Variants in TMEM68 observed in about 807,000 individuals in gnomAD.
TMEM68 encodes the protein transmembrane protein 68, also known as DGAT1/2-independent enzyme synthesizing storage lipids.
In TMEM68, 25 loss-of-function variants were observed where a neutral mutation model predicts 36.9. That is an observed-to-expected ratio of 0.68 (90% CI 0.49 to 0.95). The LOEUF (loss-of-function observed/expected upper bound fraction) is 0.95, where lower values mean the gene tolerates loss of function less well. Ranked by LOEUF, TMEM68 falls within the 40% of genes least tolerant of loss-of-function variation. TMEM68 has a pLI of 0.00. For synonymous variants in TMEM68, 131 were observed against 124.4 expected (o/e 1.05, Z -0.35); for missense variants, 333 against 392.0 (o/e 0.85, Z 1.27).
intron 1 of TMEM68, among the ~76,000 whole-genome samples, chr8:55,771,593 G>A (rs529522409): frequency 6.6e-6 from 1 of 151,794 alleles, no homozygotes; most frequent in African/African-American, 2.4e-5. Flanking sequence ...CTACAGCCTG[G>A]GTGACAGAGC....
At chr8:55,772,048 G>A (rs1811189558) in intron 1 of TMEM68, among the ~76,000 whole-genome samples, 1 of 151,682 alleles carries the variant, frequency 6.6e-6, no homozygotes. Flanking sequence ...CCTTATTATC[G>A]TAACCCAGCT....
chr8:55,740,211 T>C lies in TMEM68; in HGVS notation c.896A>G (p.Asn299Ser), dbSNP rs1257747798. Residue 299 changes from asparagine (N) to serine (S), a missense_variant, in exon 8 of 8, where the codon AAT (asparagine) becomes AGT (serine). Asn to Ser is a conservative substitution (Grantham distance 46). Transcript: ENST00000434581. Reference protein sequence around the residue: ...TAEELAEKTKNAVQALIDKHQ... With the variant: ...TAEELAEKTKSAVQALIDKHQ... ...CTTATCAATCAAAGCTTGAACAGCA[T>C]TCTTCGTCTATTAAGAAAACAAAAG... The C allele has an allele frequency of 1.2e-6, 2 of 1,612,288 alleles. No homozygotes were observed. The highest frequency in any genetic ancestry group is 1.7e-6 in the Non-Finnish European group (2 of 1,179,348).
chr8:55,766,031 A>G (rs897046287), intron 1 of TMEM68, among the ~76,000 whole-genome samples: 1 of 152,232 alleles, frequency 6.6e-6, no homozygotes, highest in Non-Finnish European at 1.5e-5. Context: ...ACAAAGAACT[A>G]GTAAATACAT....
intron 4 of TMEM68, 83 bp from the exon 5 acceptor site, chr8:55,751,240 G>T: frequency 8.1e-7 from 1 of 1,239,106 alleles, no homozygotes; most frequent in Non-Finnish European, 1.1e-6. Context: ...AAACTACATA[G>T]TGTACTATTT....
Position 55,756,287 on chromosome 8 carries a change from T to C in TMEM68, c.450A>G (p.Arg150=). ...FMAKIFIHKG[R]TCRVVADHFV... Reference sequence around the variant, plus strand: ...AGTGATCAGCTACTACTCGGCAAGTTCTGCCTTTGTGTATAAATATTTTAG... The same window carrying C: ...AGTGATCAGCTACTACTCGGCAAGTCCTGCCTTTGTGTATAAATATTTTAG... Residue 150 remains arginine (R), a synonymous_variant, in exon 4 of 8, where the codon AGA becomes AGG. Coordinates refer to ENST00000434581, the MANE Select transcript of TMEM68 (RefSeq NM_001286657.2). 1.2e-6 allele frequency: 2 copies of C among 1,605,276 alleles called. No homozygotes were observed. Among genetic ancestry groups the C allele is most frequent in the Non-Finnish European group, 1.7e-6 (2 of 1,177,906 alleles).
intron 3 of TMEM68, chr8:55,761,691 T>C (rs546864723): frequency 5.3e-5 from 8 of 152,272 alleles, no homozygotes; most frequent in East Asian, 3.9e-4. Flanking sequence ...CAAAAAAAAT[T>C]TGTAGGTTCG....
intron 3 of TMEM68, among the ~76,000 whole-genome samples, chr8:55,758,633 C>T (rs1423898521): frequency 6.6e-6 from 1 of 152,174 alleles, no homozygotes; most frequent in Non-Finnish European, 1.5e-5. Context: ...TGGCAAGACC[C>T]ACCTCTGCAA....
intron 1 of TMEM68, among the ~76,000 whole-genome samples, chr8:55,770,837 T>A (rs1345557345): frequency 1.3e-5 from 2 of 152,138 alleles, no homozygotes; most frequent in Non-Finnish European, 2.9e-5. Flanking sequence ...TTTCCCTATC[T>A]GGAAATCACG....
chr8:55,771,299 T>C (rs983863980), intron 1 of TMEM68, among the ~76,000 whole-genome samples: 7 of 152,112 alleles, frequency 4.6e-5, no homozygotes, highest in African/African-American at 1.7e-4. Flanking sequence ...AATAAAACCT[T>C]AAGAAAGTGT....
intron 5 of TMEM68, among the ~76,000 whole-genome samples, chr8:55,750,196 T>A (rs1375150861): frequency 6.6e-6 from 1 of 152,210 alleles, no homozygotes; most frequent in Admixed American, 6.5e-5. Flanking sequence ...ACTGCATATA[T>A]CCTTTTGTAT....
intron 7 of TMEM68, among the ~76,000 whole-genome samples, chr8:55,741,517 A>G (rs761217568): frequency 2.6e-5 from 4 of 152,222 alleles, no homozygotes; most frequent in Non-Finnish European, 5.9e-5. Flanking sequence ...AATCAAGTAC[A>G]AAGTAACTAA....
At position 55,743,620 on chromosome 8, in the gene TMEM68, C is replaced by T. The variant is rs1473860405; in HGVS notation, c.749G>A (p.Arg250Lys). 2 of 1,533,620 alleles carry T rather than the reference C, an allele frequency of 1.3e-6. No individual in the cohort carries two copies. The highest frequency in any genetic ancestry group is 2.0e-5 in the Admixed American group (1 of 50,548). Residue 250 changes from arginine (R) to lysine (K), a missense_variant and splice_region_variant, in exon 7 of 8, where the codon AGG (arginine) becomes AAG (lysine). By Grantham distance (26) the Arg-to-Lys change is conservative. Transcript: ENST00000434581. ...TTTTTCATAAAGCCACCTAAATAAC[C>T]CTGTTTTAGAGTAAATACAATCATT... The part of the protein sequence containing the change: ...REGFRSLGGT[R>K]LFRWLYEKFR...
chr8:55,741,884 T>A (rs10958466), intron 7 of TMEM68, among the ~76,000 whole-genome samples: 108,089 of 152,008 alleles, frequency 0.71, 38,664 homozygotes, highest in African/African-American at 0.79. Flanking sequence ...AAAGTAAAAA[T>A]GTATAGACTT....
chr8:55,754,444 A>AATATATAT lies in TMEM68; in HGVS notation c.493+1792_493+1799dup, dbSNP rs769626273. Among the ~76,000 whole-genome samples the AATATATAT allele has an allele frequency of 3.1e-3, 309 of 101,086 alleles. 1 individual carries two copies. The highest frequency in any genetic ancestry group is 4.2e-3 in the Non-Finnish European group (221 of 53,146). 66.3% of individuals were successfully genotyped at this position (101,086 alleles called of 152,430 possible). A position where few individuals can be genotyped will look rare whatever the true frequency, so the allele number is the denominator to read the frequency against. ...GGTGACAGAGCAAGACTCTGTCTCG[A>AATATATAT]ATATATATATATATATATATATACA... On this transcript the variant is annotated intron_variant, in intron 4 of 7. Coordinates refer to ENST00000434581, the MANE Select transcript of TMEM68 (RefSeq NM_001286657.2).
intron 5 of TMEM68, among the ~76,000 whole-genome samples, chr8:55,748,578 G>T (rs947939283): frequency 1.3e-5 from 2 of 151,804 alleles, no homozygotes; most frequent in African/African-American, 4.8e-5. Flanking sequence ...AGGGAGGAAG[G>T]GGGGGAGAGA....
intron 3 of TMEM68, among the ~76,000 whole-genome samples, chr8:55,759,364 A>T (rs1404934922): frequency 1.3e-5 from 2 of 151,806 alleles, no homozygotes; most frequent in Non-Finnish European, 2.9e-5. Flanking sequence ...TGAGGTCAGG[A>T]GTTCAAGACC....
chr8:55,770,965 G>C (rs1811137374), intron 1 of TMEM68, among the ~76,000 whole-genome samples: 1 of 152,100 alleles, frequency 6.6e-6, no homozygotes, highest in Admixed American at 6.5e-5. Context: ...AGACCAGCCT[G>C]ACCAATGTGG....
intron 5 of TMEM68, among the ~76,000 whole-genome samples, chr8:55,749,242 T>A (rs1360239145): frequency 6.6e-6 from 1 of 152,192 alleles, no homozygotes; most frequent in Non-Finnish European, 1.5e-5. Context: ...TTGTATTATA[T>A]CAAAAAGTCT....
Position 55,743,657 on chromosome 8 carries a change from A to G in TMEM68, c.749-37T>C, listed in dbSNP as rs550992093. 2.0e-6 allele frequency: 3 copies of G among 1,516,254 alleles called. No homozygotes were observed. The Admixed American group carries it at 6.2e-5, about 31-fold the overall frequency. 93.9% of individuals were successfully genotyped at this position (1,516,254 alleles called of 1,614,324 possible). On this transcript the variant is annotated intron_variant, in intron 6 of 7. Coordinates refer to ENST00000434581, the MANE Select transcript of TMEM68 (RefSeq NM_001286657.2). The stretch of plus-strand genomic sequence containing the variant: ...TAAATACAATCATTTTAACTTGTTA[A>G]GTATTCTGACCATGTAACTGTAAAC...
Sources: allele counts gnomAD v4.1 joint callset (sites outside exome capture counted in the v4.1 genomes callset), GRCh38; gene constraint gnomAD v4.1.1; transcripts MANE v1.5; gene names NCBI Gene and HGNC (gene_info 2026-07-23, HGNC 2026-07-21).